OLFM3: variants seen among roughly 807,000 people sequenced by gnomAD.
OLFM3 encodes olfactomedin 3.
In OLFM3, 20 loss-of-function variants were observed where a neutral mutation model predicts 48.6. The observed-to-expected ratio is 0.41, with a 90% CI of 0.29 to 0.60. The LOEUF is 0.60. Ranked by LOEUF, OLFM3 falls within the 20% of genes least tolerant of loss-of-function variation. OLFM3 has a pLI of 0.28. For synonymous variants in OLFM3, 222 were observed against 198.1 expected (o/e 1.12, Z -1.01); for missense variants, 437 against 544.3 (o/e 0.80, Z 1.96).
intron 4 of OLFM3, chr1:101,813,029 T>G: frequency 8.3e-7 from 1 of 1,207,900 alleles, no homozygotes; most frequent in South Asian, 1.5e-5. Context: ...TTCTAGGTGC[T>G]GAGAATACAA....
At chr1:101,895,440 C>A (rs1658161750) in intron 1 of OLFM3, among the ~76,000 whole-genome samples, 1 of 151,892 alleles carries the variant, frequency 6.6e-6, no homozygotes. Context: ...CACACACACA[C>A]ACACACACTC....
In OLFM3 at chr1:101,895,031, A is replaced by ACC. The variant is rs148602537; in HGVS notation, c.70-58007_70-58006insGG. 8.3e-3 allele frequency among the ~76,000 whole-genome samples: 1,256 copies of ACC among 152,238 alleles called. 19 individuals carry two copies. Among genetic ancestry groups the ACC allele is most frequent in the African/African-American group, 0.028 (1,164 of 41,568 alleles). On this transcript the variant is annotated intron_variant, in intron 1 of 5. Transcript: ENST00000370103. ...GAATGAATACAATACTCATAAATGT[A>ACC]AACACCCTGCTTACTTTCAGGCCAG... is the stretch of plus-strand genomic sequence containing the variant.
In OLFM3 at chr1:101,867,072, C is replaced by T. The variant is rs149499565; in HGVS notation, c.70-30047G>A. Among the ~76,000 whole-genome samples the T allele has an allele frequency of 4.3e-4, 65 of 152,276 alleles. No individual in the cohort carries two copies. The Middle Eastern group carries it at 0.01, about 24-fold the overall frequency. The stretch of plus-strand genomic sequence containing the variant: ...TTAAACAAGCACATTACTTTACAAC[C>T]TCTTACAATCAGTTATATTGCCTAT... On this transcript the variant is annotated intron_variant, in intron 1 of 5. Transcript: ENST00000370103.
chr1:101,942,511 G>T (rs1019368850), intron 1 of OLFM3, among the ~76,000 whole-genome samples: 1 of 152,126 alleles, frequency 6.6e-6, no homozygotes, highest in Admixed American at 6.6e-5. Flanking sequence ...TTTCCCTTCT[G>T]TATGTTTCTA....
intron 1 of OLFM3, among the ~76,000 whole-genome samples, chr1:101,902,914 C>A (rs1389550478): frequency 2.6e-5 from 4 of 152,032 alleles, no homozygotes; most frequent in African/African-American, 9.7e-5. Flanking sequence ...GCTCCCAAGC[C>A]CATACTCTTG....
chr1:101,857,547 T>C (rs1055509225), intron 1 of OLFM3, among the ~76,000 whole-genome samples: 12 of 151,792 alleles, frequency 7.9e-5, no homozygotes, highest in African/African-American at 1.7e-4. Context: ...ATACTGAAAA[T>C]GGATCAGCTT....
intron 1 of OLFM3, among the ~76,000 whole-genome samples, chr1:101,977,885 G>T (rs1029685023): frequency 1.3e-5 from 2 of 152,050 alleles, no homozygotes; most frequent in African/African-American, 4.8e-5. Flanking sequence ...ATTAGGAACA[G>T]GTAGAGAGTT....
At chr1:101,963,238 T>A (rs1236234208) in intron 1 of OLFM3, among the ~76,000 whole-genome samples, 1 of 152,168 alleles carries the variant, frequency 6.6e-6, no homozygotes, top group African/African-American at 2.4e-5. Flanking sequence ...TACTTATTTC[T>A]TTTCCTGACA....
chr1:101,933,359 A>C (rs568528128), intron 1 of OLFM3, among the ~76,000 whole-genome samples: 4 of 152,168 alleles, frequency 2.6e-5, no homozygotes, highest in South Asian at 4.1e-4. Flanking sequence ...TGACGAAAGA[A>C]TCTCAGAGCT....
intron 1 of OLFM3, among the ~76,000 whole-genome samples, chr1:101,940,628 T>C (rs1306369179): frequency 2.0e-5 from 3 of 151,426 alleles, no homozygotes; most frequent in Non-Finnish European, 2.9e-5. Flanking sequence ...GTGTGGTGGG[T>C]GGAGTCAGGT....
intron 1 of OLFM3, among the ~76,000 whole-genome samples, chr1:101,896,297 T>C (rs533835801): frequency 5.9e-5 from 9 of 152,162 alleles, no homozygotes; most frequent in African/African-American, 2.2e-4. Flanking sequence ...ATTAAGAATG[T>C]TGTGTCGTCC....
At chr1:101,982,457 G>A (rs1661129726) in intron 1 of OLFM3, among the ~76,000 whole-genome samples, 2 of 152,204 alleles carry the variant, frequency 1.3e-5, no homozygotes, top group South Asian at 4.1e-4. Context: ...TTTTTAAAAT[G>A]TATTACTACT....
intron 1 of OLFM3, among the ~76,000 whole-genome samples, chr1:101,852,028 C>T (rs1436073387): frequency 6.6e-6 from 1 of 152,088 alleles, no homozygotes; most frequent in African/African-American, 2.4e-5. Context: ...TTATATCTCT[C>T]TCACCTACTC....
At chr1:101,849,613 C>A (rs1211178582) in intron 1 of OLFM3, among the ~76,000 whole-genome samples, 1 of 152,112 alleles carries the variant, frequency 6.6e-6, no homozygotes, top group Non-Finnish European at 1.5e-5. Flanking sequence ...GCAGAGAGTG[C>A]AAAGCATATC....
intron 1 of OLFM3, among the ~76,000 whole-genome samples, chr1:101,867,017 A>T (rs1656885372): frequency 1.3e-5 from 2 of 152,236 alleles, no homozygotes; most frequent in South Asian, 4.1e-4. Context: ...TTTATGATGC[A>T]GTCAATGGGG....
intron 1 of OLFM3, among the ~76,000 whole-genome samples, chr1:101,978,329 G>A (rs139295818): frequency 1.3e-5 from 2 of 151,984 alleles, no homozygotes; most frequent in Non-Finnish European, 2.9e-5. Context: ...GATAAGATAC[G>A]GAAAAGAAAA....
intron 1 of OLFM3, among the ~76,000 whole-genome samples, chr1:101,891,560 T>G (rs555173756): frequency 6.6e-6 from 1 of 152,030 alleles, no homozygotes; most frequent in South Asian, 2.1e-4. Flanking sequence ...ATCCTCTCAT[T>G]TTTGATGGAT....
chr1:101,825,275 G>A, intron 3 of OLFM3, 30 bp from the exon 4 acceptor site: 3 of 1,569,460 alleles, frequency 1.9e-6, no homozygotes, highest in Non-Finnish European at 2.6e-6. Context: ...GTTCCTGAGA[G>A]TCATTTAAAA....
rs115333348 is a variant in OLFM3 at position 101,805,125 on chromosome 1, T to A, written c.700-210A>T. ...GTGGAAAAGAAATAACTGAATTTAC[T>A]ACCTTGACATTAATTTGCTTTTTTG... is the stretch of plus-strand genomic sequence containing the variant. On this transcript the variant is annotated intron_variant, in intron 5 of 5. Transcript: ENST00000370103. Among the ~76,000 whole-genome samples, 936 of 152,010 alleles carry A rather than the reference T, an allele frequency of 6.2e-3. 11 individuals are homozygous for A. Among genetic ancestry groups the A allele is most frequent in the African/African-American group, 0.022 (898 of 41,512 alleles).
Sources: gnomAD v4.1 joint callset for allele counts (sites outside exome capture counted in the v4.1 genomes callset) on GRCh38, gnomAD v4.1.1 for gene constraint, MANE v1.5 for transcripts, NCBI Gene and HGNC (gene_info 2026-07-23, HGNC 2026-07-21) for gene names.